Variants in MFN1 observed in about 807,000 individuals in gnomAD.
The protein encoded by MFN1 is mitofusin 1, also known as mitofusin-1.
Under a neutral mutation model 92.4 loss-of-function variants are expected in MFN1, and 65 were observed. The observed-to-expected ratio is 0.70, with a 90% CI of 0.58 to 0.86. The LOEUF (loss-of-function observed/expected upper bound fraction) is 0.86. MFN1 is among the 40% of genes least tolerant of loss of function. The pLI, the probability that MFN1 is intolerant of heterozygous loss-of-function variation, is 0.00. For missense variants in MFN1, 781 were observed against 868.0 expected (o/e 0.90, Z 1.26); for synonymous variants, 297 against 300.9 (o/e 0.99, Z 0.13).
intron 3 of MFN1, among the ~76,000 whole-genome samples, chr3:179,354,566 C>T (rs1712276224): frequency 6.6e-6 from 1 of 152,104 alleles, no homozygotes; most frequent in African/African-American, 2.4e-5. Context: ...GTTCTTGGAC[C>T]TTGCGCAAGA....
At chr3:179,380,122 A>C (rs903594893) in intron 14 of MFN1, among the ~76,000 whole-genome samples, 19 of 152,198 alleles carry the variant, frequency 1.2e-4, no homozygotes, top group Admixed American at 5.9e-4. Context: ...GATAGCATTA[A>C]CTTTTCTAAA....
intron 9 of MFN1, among the ~76,000 whole-genome samples, chr3:179,370,773 A>G (rs981570819): frequency 4.6e-5 from 7 of 152,308 alleles, no homozygotes; most frequent in African/African-American, 1.7e-4. Context: ...CTTAAAGAAA[A>G]GATTCAGGAT....
intron 3 of MFN1, among the ~76,000 whole-genome samples, chr3:179,357,294 A>G (rs12632708): frequency 0.18 from 27,884 of 152,214 alleles, 3,097 homozygotes; most frequent in East Asian, 0.36. Flanking sequence ...AATGAGCTAC[A>G]GCCATATTTC....
intron 3 of MFN1, among the ~76,000 whole-genome samples, chr3:179,356,288 G>C (rs996741469): frequency 1.3e-5 from 2 of 152,172 alleles, no homozygotes; most frequent in Non-Finnish European, 2.9e-5. Context: ...CTGAAAATTA[G>C]GCTTTATGAA....
Position 179,377,023 on chromosome 3 carries a change from A to G in MFN1, c.1098-19A>G, listed in dbSNP as rs9834493. On this transcript the variant is annotated intron_variant, in intron 10 of 17. Transcript: ENST00000471841. ...CTTCAGACTACCCTGAACGTTGATTACTCTTTATACTGAAATAGGCATTAT... is the reference window on the plus strand; with the variant it reads ...CTTCAGACTACCCTGAACGTTGATTGCTCTTTATACTGAAATAGGCATTAT... 7.9e-3 allele frequency: 12,730 copies of G among 1,610,230 alleles called. 491 individuals are homozygous for G. In the African/African-American group the frequency reaches 0.11, roughly 14 times the overall value.
chr3:179,362,834 C>T (rs1164611121), intron 5 of MFN1, among the ~76,000 whole-genome samples: 1 of 152,144 alleles, frequency 6.6e-6, no homozygotes, highest in Non-Finnish European at 1.5e-5. Context: ...CCAGCCACCT[C>T]ACCTGGCTCC....
intron 14 of MFN1, among the ~76,000 whole-genome samples, chr3:179,380,432 AT>A (rs5854831): frequency 0.7 from 106,911 of 152,020 alleles, 38,005 homozygotes; most frequent in African/African-American, 0.79. Flanking sequence ...CAAGGAATGC[AT>A]TTTTTTTACT....
intron 9 of MFN1, among the ~76,000 whole-genome samples, chr3:179,372,327 G>T (rs1437523707): frequency 6.6e-6 from 1 of 151,164 alleles, no homozygotes; most frequent in Non-Finnish European, 1.5e-5. Flanking sequence ...AAGGGAAATT[G>T]ACAAGTTTGT....
chr3:179,378,234 G>C (rs750054484), intron 12 of MFN1, 107 bp from the exon 13 acceptor site: 4 of 706,852 alleles, frequency 5.7e-6, no homozygotes, highest in Non-Finnish European at 4.4e-6. Context: ...AAAAAAAAAA[G>C]TCAAATTAAA....
chr3:179,370,775 AT>A (rs1451996602), intron 9 of MFN1, among the ~76,000 whole-genome samples: 2 of 152,216 alleles, frequency 1.3e-5, no homozygotes, highest in East Asian at 3.8e-4. Flanking sequence ...TAAAGAAAAG[AT>A]TCAGGATTGT....
intron 4 of MFN1, 37 bp from the exon 5 acceptor site, chr3:179,362,321 A>G (rs756528332): frequency 4.5e-6 from 7 of 1,539,088 alleles, no homozygotes; most frequent in South Asian, 1.3e-5. Flanking sequence ...ATTTTATTAC[A>G]AGTGGAGTTT....
chr3:179,348,833 A>G lies in MFN1; in HGVS notation c.-7-12A>G. 1.2e-6 allele frequency: 2 copies of G among 1,605,756 alleles called. No homozygotes were observed. Among genetic ancestry groups the G allele is most frequent in the Non-Finnish European group, 1.7e-6 (2 of 1,173,514 alleles). ...CTTTAGTTGGTGCTTTTCTAACTTT[A>G]TCTCCCTCTAGTAGCATAATGGCAG... On this transcript the variant is annotated splice_polypyrimidine_tract_variant and intron_variant, in intron 1 of 17. Coordinates refer to ENST00000471841, the MANE Select transcript of MFN1 (RefSeq NM_033540.3).
intron 14 of MFN1, among the ~76,000 whole-genome samples, chr3:179,382,066 T>A (rs1478854049): frequency 1.3e-5 from 1 of 76,442 alleles, no homozygotes; most frequent in Non-Finnish European, 2.5e-5. Context: ...AATACAAGCA[T>A]TTTTTTAATT....
chr3:179,378,257 G>A, intron 12 of MFN1, 84 bp from the exon 13 acceptor site: 2 of 1,011,312 alleles, frequency 2.0e-6, no homozygotes, highest in Non-Finnish European at 3.0e-6. Flanking sequence ...GACCATTTTG[G>A]CATTTACTGA....
Position 179,387,584 on chromosome 3 carries a change from C to CT in MFN1, c.2012+984dup, listed in dbSNP as rs769878779. Among the ~76,000 whole-genome samples the CT allele has an allele frequency of 2.4e-3, 195 of 82,274 alleles. 16 individuals are homozygous for CT. Among genetic ancestry groups the CT allele is most frequent in the Middle Eastern group, 8.9e-3 (1 of 112 alleles). 54.0% of individuals were successfully genotyped at this position (82,274 alleles called of 152,430 possible). On this transcript the variant is annotated intron_variant, in intron 16 of 17. Transcript: ENST00000471841. ...ATTGCCCTTAAGATATTTGTGGTTTCTTTTTTTTTTTTTTTTTTTTTTTTT... is the reference window on the plus strand; with the variant it reads ...ATTGCCCTTAAGATATTTGTGGTTTCTTTTTTTTTTTTTTTTTTTTTTTTTT...
intron 3 of MFN1, among the ~76,000 whole-genome samples, chr3:179,355,493 C>T (rs1371355331): frequency 1.3e-5 from 2 of 152,056 alleles, no homozygotes; most frequent in African/African-American, 2.4e-5. Flanking sequence ...ACCAAAAAGG[C>T]AGTTGGAAAT....
At chr3:179,367,910 C>G in intron 8 of MFN1, 126 bp from the exon 9 acceptor site, 1 of 473,060 alleles carries the variant, frequency 2.1e-6, no homozygotes, top group Non-Finnish European at 3.0e-6. Flanking sequence ...GGCAACAGAG[C>G]AAGACTCTGT....
At chr3:179,375,952 G>T (rs1231592395) in intron 10 of MFN1, among the ~76,000 whole-genome samples, 1 of 152,174 alleles carries the variant, frequency 6.6e-6, no homozygotes, top group African/African-American at 2.4e-5. Flanking sequence ...AACTTGGTAT[G>T]CTTGAAACAC....
intron 14 of MFN1, among the ~76,000 whole-genome samples, chr3:179,381,194 T>A (rs978042707): frequency 6.6e-6 from 1 of 152,188 alleles, no homozygotes; most frequent in African/African-American, 2.4e-5. Context: ...CATGTATTCA[T>A]AACAGAACAA....
Sources: gnomAD v4.1 joint callset for allele counts (sites outside exome capture counted in the v4.1 genomes callset) on GRCh38, gnomAD v4.1.1 for gene constraint, MANE v1.5 for transcripts, NCBI Gene and HGNC (gene_info 2026-07-23, HGNC 2026-07-21) for gene names.